Variants in C12orf42 observed in about 807,000 individuals in gnomAD.
The protein encoded by C12orf42 is uncharacterized protein C12orf42.
Under a neutral mutation model 21.6 loss-of-function variants are expected in C12orf42, and 25 were observed. The observed-to-expected ratio is 1.16, with a 90% confidence interval of 0.84 to 1.62. C12orf42 has a LOEUF of 1.62. Ranked by LOEUF, C12orf42 falls within the 40% of genes most tolerant of loss-of-function variation. The probability of loss-of-function intolerance (pLI) is 0.00; values close to 1 mark genes in which losing one functional copy is unlikely to be tolerated. For synonymous variants in C12orf42, 174 were observed against 175.0 expected, an observed-to-expected ratio of 0.99 and a Z score of 0.05; for missense variants, 483 against 459.3, an observed-to-expected ratio of 1.05 and a Z score of -0.47.
At chr12:103,055,164 T>C in the C12orf42 span, among the ~76,000 whole-genome samples, 1 of 152,042 alleles carries the variant, frequency 6.6e-6, no homozygotes. Flanking sequence ...GTTTAAACAT[T>C]TGACAGAATT....
At chr12:103,420,229 G>A (rs1481040385) in intron 2 of C12orf42, among the ~76,000 whole-genome samples, 1 of 151,970 alleles carries the variant, frequency 6.6e-6, no homozygotes, top group Admixed American at 6.6e-5. Context: ...CAAACAACTT[G>A]GTTTTGTCTG....
intron 2 of C12orf42, among the ~76,000 whole-genome samples, chr12:103,469,482 G>A (rs1953413897): frequency 6.6e-6 from 1 of 152,114 alleles, no homozygotes; most frequent in Non-Finnish European, 1.5e-5. Flanking sequence ...AATTTATTGT[G>A]TATGAATACT....
chr12:103,070,957 G>T, the C12orf42 span, among the ~76,000 whole-genome samples: 3 of 152,128 alleles, frequency 2.0e-5, no homozygotes, highest in African/African-American at 7.2e-5. Flanking sequence ...TTTTTCAAGT[G>T]GTGAATCGTT....
At chr12:103,287,107 T>G (rs375357291) in intron 4 of C12orf42, among the ~76,000 whole-genome samples, 138 of 152,282 alleles carry the variant, frequency 9.1e-4, no homozygotes, top group African/African-American at 1.8e-3. Context: ...CTGTTGGTGG[T>G]ACTGTAAACT....
At chr12:103,458,501 G>C (rs964705319) in intron 2 of C12orf42, among the ~76,000 whole-genome samples, 6 of 151,946 alleles carry the variant, frequency 3.9e-5, no homozygotes, top group African/African-American at 1.5e-4. Flanking sequence ...TCTCTGCATC[G>C]CATCCCCACT....
intron 4 of C12orf42, 96 bp from the exon 5 acceptor site, chr12:103,306,441 GGTT>G: frequency 7.1e-7 from 1 of 1,414,440 alleles, no homozygotes; most frequent in Non-Finnish European, 9.3e-7. Context: ...GTAAACTTTT[GGTT>G]GTTTTGTGTT....
chr12:103,533,487 C>G, the C12orf42 span, among the ~76,000 whole-genome samples: 4 of 152,094 alleles, frequency 2.6e-5, no homozygotes, highest in Admixed American at 1.3e-4. Context: ...CTGGATGACC[C>G]CCGGGTCTAT....
chr12:103,065,453 G>C, the C12orf42 span, among the ~76,000 whole-genome samples: 1 of 152,156 alleles, frequency 6.6e-6, no homozygotes, highest in Non-Finnish European at 1.5e-5. Flanking sequence ...TACCTTTACT[G>C]TCCTACCTCA....
intron 4 of C12orf42, among the ~76,000 whole-genome samples, chr12:103,314,243 A>G (rs984517336): frequency 6.6e-5 from 10 of 151,240 alleles, no homozygotes; most frequent in African/African-American, 9.8e-5. Context: ...TGTTGGGAGG[A>G]CAGGAGAGGT....
At chr12:103,421,915 G>A (rs911256528) in intron 2 of C12orf42, among the ~76,000 whole-genome samples, 1 of 152,066 alleles carries the variant, frequency 6.6e-6, no homozygotes, top group African/African-American at 2.4e-5. Flanking sequence ...TTACATTCAT[G>A]CTCCAAATAA....
At chr12:103,494,513 G>A (rs1290494459) in intron 1 of C12orf42, among the ~76,000 whole-genome samples, 5 of 151,784 alleles carry the variant, frequency 3.3e-5, no homozygotes, top group South Asian at 2.1e-4. Context: ...AAATAAAAAG[G>A]AGGAGGATGG....
intron 2 of C12orf42, among the ~76,000 whole-genome samples, chr12:103,452,253 G>A (rs1461902367): frequency 1.3e-5 from 2 of 152,032 alleles, no homozygotes; most frequent in Non-Finnish European, 2.9e-5. Flanking sequence ...GCATGATGGT[G>A]TCAGGATTCC....
intron 2 of C12orf42, among the ~76,000 whole-genome samples, chr12:103,451,499 C>T (rs560263858): frequency 1.3e-5 from 2 of 152,220 alleles, no homozygotes; most frequent in Admixed American, 1.3e-4. Context: ...CAGGCATGAG[C>T]TGCTGCACCC....
chr12:103,236,784 T>A (rs1275675833), downstream of C12orf42, among the ~76,000 whole-genome samples: 2 of 152,186 alleles, frequency 1.3e-5, no homozygotes, highest in Non-Finnish European at 2.9e-5. Flanking sequence ...TTCTTTTAAT[T>A]TTAAGGGGGG....
chr12:103,355,550 G>C (rs1012349548), intron 4 of C12orf42, among the ~76,000 whole-genome samples: 1 of 152,004 alleles, frequency 6.6e-6, no homozygotes, highest in African/African-American at 2.4e-5. Flanking sequence ...ATGGGAATTC[G>C]ATTATCCAGT....
chr12:103,167,860 A>C, the C12orf42 span, among the ~76,000 whole-genome samples: 1 of 150,220 alleles, frequency 6.7e-6, no homozygotes, highest in African/African-American at 2.5e-5. Flanking sequence ...TATGTAACAT[A>C]CTATCTCTGA....
chr12:103,548,213 C>T, the C12orf42 span, among the ~76,000 whole-genome samples: 2 of 152,158 alleles, frequency 1.3e-5, no homozygotes, highest in Non-Finnish European at 2.9e-5. Context: ...TAGCCCTTTG[C>T]TACCTAATTA....
rs182454922 is a variant in C12orf42, at chr12:103,261,657, T to A, written c.*1366+1669A>T. On this transcript the variant is annotated intron_variant and NMD_transcript_variant, in intron 10 of 10. Transcript: ENST00000547347. Reference sequence around the variant, plus strand: ...TTTGTTTAATTACATTTTTAAAAAATATTTAACTTAATTATATATATCTCA... The same window carrying A: ...TTTGTTTAATTACATTTTTAAAAAAAATTTAACTTAATTATATATATCTCA... Among the ~76,000 whole-genome samples the A allele has an allele frequency of 8.3e-4, 126 of 152,130 alleles. 1 individual carries two copies. The highest frequency in any genetic ancestry group is 2.8e-3 in the African/African-American group (118 of 41,564).
chr12:103,158,940 A>G, the C12orf42 span, among the ~76,000 whole-genome samples: 3 of 152,156 alleles, frequency 2.0e-5, no homozygotes, highest in African/African-American at 7.2e-5. Context: ...ATCAATTACA[A>G]TAAATAAAAT....
Sources: gnomAD v4.1 joint callset for allele counts (sites outside exome capture counted in the v4.1 genomes callset) on GRCh38, gnomAD v4.1.1 for gene constraint, MANE v1.5 for transcripts, NCBI Gene and HGNC (gene_info 2026-07-23, HGNC 2026-07-21) for gene names.